FBXL7: variants seen among roughly 807,000 people sequenced by gnomAD.
FBXL7 encodes F-box and leucine rich repeat protein 7, also known as F-box/LRR-repeat protein 7.
In FBXL7, 12 loss-of-function variants were observed where a neutral mutation model predicts 38.3. That is an observed-to-expected ratio of 0.31 (90% CI 0.20 to 0.51). FBXL7 has a LOEUF of 0.51. Among genes scored for constraint, FBXL7 ranks in the 20% least tolerant of loss-of-function variants. FBXL7 has a pLI of 0.98. For missense variants in FBXL7, 567 were observed against 676.4 expected, an observed-to-expected ratio of 0.84 and a Z score of 1.79; for synonymous variants, 297 against 300.9, an observed-to-expected ratio of 0.99 and a Z score of 0.13.
chr5:15,927,243 G>A (rs186285559), intron 2 of FBXL7, among the ~76,000 whole-genome samples: 1 of 152,108 alleles, frequency 6.6e-6, no homozygotes, highest in East Asian at 1.9e-4. Context: ...CAGTGGCAGG[G>A]CTTGTCGTTG....
intron 3 of FBXL7, among the ~76,000 whole-genome samples, chr5:15,934,474 A>G (rs556012935): frequency 6.6e-6 from 1 of 151,932 alleles, no homozygotes; most frequent in East Asian, 1.9e-4. Context: ...TCCTATATAT[A>G]AATATATAAA....
At chr5:15,557,496 AAAGT>A (rs1417216138) in intron 1 of FBXL7, among the ~76,000 whole-genome samples, 6 of 152,220 alleles carry the variant, frequency 3.9e-5, no homozygotes, top group African/African-American at 1.2e-4. Flanking sequence ...AAGGCTTCTA[AAAGT>A]AAGATGTGTA....
intron 1 of FBXL7, among the ~76,000 whole-genome samples, chr5:15,552,158 C>T (rs951404480): frequency 6.6e-6 from 1 of 152,192 alleles, no homozygotes; most frequent in Non-Finnish European, 1.5e-5. Context: ...TATACATTGT[C>T]TTAGAGGAGT....
intron 2 of FBXL7, among the ~76,000 whole-genome samples, chr5:15,842,857 CCTTT>C (rs1409300308): frequency 2.0e-5 from 3 of 152,142 alleles, no homozygotes; most frequent in Non-Finnish European, 4.4e-5. Flanking sequence ...AATTAAATCT[CCTTT>C]CTTTATAAAT....
chr5:15,921,200 C>G (rs1239467947), intron 2 of FBXL7, among the ~76,000 whole-genome samples: 2 of 151,820 alleles, frequency 1.3e-5, no homozygotes, highest in Non-Finnish European at 2.9e-5. Context: ...TGGCCAAATG[C>G]TGAAACCCTA....
At chr5:15,515,403 G>A (rs1736907768) in intron 1 of FBXL7, among the ~76,000 whole-genome samples, 1 of 152,332 alleles carries the variant, frequency 6.6e-6, no homozygotes, top group African/African-American at 2.4e-5. Flanking sequence ...AGCCATCATG[G>A]AATTTTTTCA....
chr5:15,580,593 T>G, intron 1 of FBXL7: 1 of 983,422 alleles, frequency 1.0e-6, no homozygotes, highest in African/African-American at 1.7e-5. Context: ...CTTGCACTAT[T>G]TGACTCCTTT....
chr5:15,692,134 C>T (rs754816860), intron 2 of FBXL7, among the ~76,000 whole-genome samples: 71 of 152,068 alleles, frequency 4.7e-4, no homozygotes, highest in Admixed American at 2.5e-3. Flanking sequence ...GATTGGAATC[C>T]GGGGTCACTT....
chr5:15,502,917 A>G (rs536249871), intron 1 of FBXL7, among the ~76,000 whole-genome samples: 1 of 152,232 alleles, frequency 6.6e-6, no homozygotes, highest in Non-Finnish European at 1.5e-5. Context: ...AGACAGTTTT[A>G]TAGAGTTAGT....
In FBXL7 at chr5:15,936,802, C is replaced by T. The variant is rs1459824630; in HGVS notation, c.1092C>T (p.Thr364=). 2 of 1,612,462 alleles carry T rather than the reference C, an allele frequency of 1.2e-6. No individual in the cohort carries two copies. Among genetic ancestry groups the T allele is most frequent in the South Asian group, 2.2e-5 (2 of 90,882 alleles). The change falls in exon 4 of 4, where the codon ACC becomes ACT. Residue 364 remains threonine (T), a synonymous_variant. Coordinates refer to ENST00000504595, the MANE Select transcript of FBXL7 (RefSeq NM_012304.5). This position sits in a 1 kb window ranked among gnomAD's most constrained non-coding sequence, Gnocchi z 6.0. ...YLSIAHCGRV[T]DVGIRYVAKY... ...GCATCGCGCACTGCGGCCGGGTCAC[C>T]GACGTGGGCATCCGCTACGTGGCCA...
Position 15,895,702 on chromosome 5 carries a change from G to A in FBXL7, c.128-32188G>A, listed in dbSNP as rs1422884097. ...TGTTGCCCAGGCTCTGGAGTGCAGT[G>A]GCGCAAACTCGGCTCACTGCAAACT... On this transcript the variant is annotated intron_variant, in intron 2 of 3. Transcript: ENST00000504595. Among the ~76,000 whole-genome samples the A allele has an allele frequency of 2.1e-5, 3 of 140,848 alleles. No individual in the cohort carries two copies. In the East Asian group the frequency reaches 6.4e-4, roughly 30 times the overall value. The allele number at this position is 140,848 out of a possible 152,430, so 92.4% of individuals were successfully genotyped here.
chr5:15,915,690 G>GA (rs1460964069), intron 2 of FBXL7, among the ~76,000 whole-genome samples: 1 of 152,178 alleles, frequency 6.6e-6, no homozygotes, highest in Non-Finnish European at 1.5e-5. Flanking sequence ...CAGAAGGAAT[G>GA]AGCTAGTCAA....
intron 1 of FBXL7, among the ~76,000 whole-genome samples, chr5:15,604,218 CATTATTAGCTATTA>C (rs1739916775): frequency 6.6e-6 from 1 of 152,100 alleles, no homozygotes; most frequent in East Asian, 1.9e-4. Context: ...TTCCTCTTTT[CATTATTAGCTATTA>C]CATCCTCTAG....
intron 2 of FBXL7, among the ~76,000 whole-genome samples, chr5:15,895,768 C>T (rs1180093284): frequency 2.3e-4 from 34 of 151,044 alleles, no homozygotes; most frequent in African/African-American, 7.5e-4. Flanking sequence ...CTCAGCCTCC[C>T]TAGTAGCTGG....
intron 2 of FBXL7, among the ~76,000 whole-genome samples, chr5:15,638,655 C>G (rs1741264197): frequency 6.6e-6 from 1 of 152,062 alleles, no homozygotes. Flanking sequence ...ATGCTGACTT[C>G]AGACTTTATC....
chr5:15,682,113 G>A (rs762869255), intron 2 of FBXL7, among the ~76,000 whole-genome samples: 2 of 152,208 alleles, frequency 1.3e-5, no homozygotes, highest in African/African-American at 2.4e-5. Flanking sequence ...GAGGCAGGGT[G>A]GGGGACAGAA....
rs1476640945 is a variant in FBXL7, at chr5:15,927,782, A to G, written c.128-108A>G. ...AAGATCTTAAAAAAAAAAAAAAAAA[A>G]AAAAAGAAGAAGAAAGAAAAGAAAA... On this transcript the variant is annotated intron_variant, in intron 2 of 3. Coordinates refer to ENST00000504595, the MANE Select transcript of FBXL7 (RefSeq NM_012304.5). 1.4e-3 allele frequency: 1,123 copies of G among 814,272 alleles called. 8 individuals carry two copies. In the African/African-American group the frequency reaches 0.016, roughly 12 times the overall value. The allele number at this position is 814,272 out of a possible 1,614,324, so 50.4% of individuals were successfully genotyped here.
At chr5:15,681,412 G>GA (rs1742839316) in intron 2 of FBXL7, among the ~76,000 whole-genome samples, 1 of 152,138 alleles carries the variant, frequency 6.6e-6, no homozygotes, top group South Asian at 2.1e-4. Flanking sequence ...ACACTCTGTT[G>GA]AAAAATGTTC....
chr5:15,598,561 C>A (rs1739693884), intron 1 of FBXL7, among the ~76,000 whole-genome samples: 1 of 152,056 alleles, frequency 6.6e-6, no homozygotes, highest in South Asian at 2.1e-4. Context: ...GGTGTTGGGA[C>A]CCATTAACTG....
Sources: allele counts gnomAD v4.1 joint callset (sites outside exome capture counted in the v4.1 genomes callset), GRCh38; gene constraint gnomAD v4.1.1; non-coding constraint Gnocchi (gnomAD v3.1); transcripts MANE v1.5; gene names NCBI Gene and HGNC (gene_info 2026-07-23, HGNC 2026-07-21).